The following CAMSAP2 variants were observed in gnomAD, a reference collection of about 807,000 sequenced individuals.
CAMSAP2 encodes calmodulin regulated spectrin associated protein family member 2.
A neutral mutation model predicts 146.1 loss-of-function variants in CAMSAP2; 26 were observed. The observed-to-expected ratio is 0.18, with a 90% confidence interval of 0.13 to 0.25. The LOEUF (loss-of-function observed/expected upper bound fraction) is 0.25, where lower values mean the gene tolerates loss of function less well. Ranked by LOEUF, CAMSAP2 falls within the 10% of genes least tolerant of loss-of-function variation. The probability of loss-of-function intolerance (pLI) is 1.00; values close to 1 mark genes in which losing one functional copy is unlikely to be tolerated. For synonymous variants in CAMSAP2, 499 were observed against 596.6 expected, an observed-to-expected ratio of 0.84 and a Z score of 2.38; for missense variants, 1,381 against 1,759.3, an observed-to-expected ratio of 0.78 and a Z score of 3.85.
At chr1:200,825,729 A>T (rs1254654917) in intron 4 of CAMSAP2, among the ~76,000 whole-genome samples, 3 of 151,174 alleles carry the variant, frequency 2.0e-5, no homozygotes, top group African/African-American at 7.3e-5. Flanking sequence ...GCTGGTCTCG[A>T]CCTCCTGACC....
At chr1:200,850,778 G>GAC (rs1286277057) in intron 11 of CAMSAP2, among the ~76,000 whole-genome samples, 6 of 152,152 alleles carry the variant, frequency 3.9e-5, no homozygotes, top group African/African-American at 1.4e-4. Context: ...ACAGCTTCTT[G>GAC]ACTGGGCTGT....
At chr1:200,766,154 T>C (rs960474385) in intron 2 of CAMSAP2, among the ~76,000 whole-genome samples, 8 of 151,760 alleles carry the variant, frequency 5.3e-5, no homozygotes, top group Non-Finnish European at 1.0e-4. Context: ...TTTTTTTTTT[T>C]TTTTCCTGAG....
chr1:200,837,615 C>T (rs1667217461), intron 6 of CAMSAP2, among the ~76,000 whole-genome samples: 1 of 152,108 alleles, frequency 6.6e-6, no homozygotes, highest in Admixed American at 6.5e-5. Context: ...TGAAGAATAT[C>T]ATTGGTAGTT....
intron 1 of CAMSAP2, among the ~76,000 whole-genome samples, chr1:200,743,011 C>T (rs764785829): frequency 4.6e-5 from 7 of 152,172 alleles, no homozygotes; most frequent in Non-Finnish European, 1.0e-4. Context: ...GATGCAGATA[C>T]AGGTTTGATT....
chr1:200,798,114 C>T (rs1207359215), intron 2 of CAMSAP2, among the ~76,000 whole-genome samples: 1 of 148,964 alleles, frequency 6.7e-6, no homozygotes, highest in African/African-American at 2.5e-5. Context: ...GTGATGCCTC[C>T]AGCTTTGTTC....
intron 1 of CAMSAP2, among the ~76,000 whole-genome samples, chr1:200,748,316 GTAA>G (rs1217616276): frequency 6.6e-6 from 1 of 152,130 alleles, no homozygotes; most frequent in African/African-American, 2.4e-5. Context: ...ATGTATTTCT[GTAA>G]GTCCACTCCC....
At chr1:200,793,615 T>C (rs1057096024) in intron 2 of CAMSAP2, among the ~76,000 whole-genome samples, 2 of 152,206 alleles carry the variant, frequency 1.3e-5, no homozygotes, top group African/African-American at 4.8e-5. Context: ...AAAACACTTG[T>C]ATCCTGTTGC....
At chr1:200,816,127 C>G (rs1223341534) in intron 4 of CAMSAP2, among the ~76,000 whole-genome samples, 1 of 152,032 alleles carries the variant, frequency 6.6e-6, no homozygotes, top group Non-Finnish European at 1.5e-5. Context: ...AGCCCCATCT[C>G]TGCTAAAAAT....
intron 1 of CAMSAP2, among the ~76,000 whole-genome samples, chr1:200,750,606 GAGAT>G (rs895609911): frequency 1.1e-4 from 16 of 149,924 alleles, no homozygotes; most frequent in Admixed American, 2.0e-4. Flanking sequence ...TAGAGAGAAA[GAGAT>G]AGATAGATAG....
At chr1:200,740,230 C>G (rs1177958094) in intron 1 of CAMSAP2, among the ~76,000 whole-genome samples, 2 of 151,282 alleles carry the variant, frequency 1.3e-5, no homozygotes, top group African/African-American at 4.9e-5. Flanking sequence ...CCCCAGTGAG[C>G]AATTTTATGT....
chr1:200,783,558 C>T (rs972842373), intron 2 of CAMSAP2, among the ~76,000 whole-genome samples: 1 of 152,170 alleles, frequency 6.6e-6, no homozygotes, highest in Non-Finnish European at 1.5e-5. Context: ...TCACGGCTCA[C>T]TGCAGCCTCG....
chr1:200,799,774 A>G (rs1394582529), intron 2 of CAMSAP2, among the ~76,000 whole-genome samples: 2 of 152,010 alleles, frequency 1.3e-5, no homozygotes, highest in African/African-American at 4.8e-5. Context: ...TAGGGTGTCG[A>G]TTTTGGATCT....
intron 2 of CAMSAP2, among the ~76,000 whole-genome samples, chr1:200,796,828 C>A (rs559114920): frequency 5.9e-4 from 90 of 152,050 alleles, no homozygotes; most frequent in African/African-American, 2.1e-3. Context: ...CCTCTCCCCC[C>A]ACCCCACAAC....
Position 200,849,482 on chromosome 1 carries a change from CAGG to C in CAMSAP2, c.2716_2718del (p.Glu906del). 6.2e-7 allele frequency: 1 copy of C among 1,614,204 alleles called. No individual in the cohort carries two copies. The highest frequency in any genetic ancestry group is 8.5e-7 in the Non-Finnish European group (1 of 1,180,036). On this transcript the variant is annotated inframe_deletion, in exon 11 of 17. Transcript: ENST00000358823. This position sits in a 1 kb window ranked among gnomAD's most constrained non-coding sequence, Gnocchi z 6.3. ...AGAAATGCAACGCTTGTCACTTCAG[CAGG>C]AGATGTTAATGCAGATGAGAGAGCA...
chr1:200,768,608 G>T (rs1359700467), intron 2 of CAMSAP2, among the ~76,000 whole-genome samples: 1 of 152,102 alleles, frequency 6.6e-6, no homozygotes, highest in Admixed American at 6.5e-5. Flanking sequence ...GAACTAAGGT[G>T]CAGGCCATGA....
chr1:200,742,715 T>G (rs554495804), intron 1 of CAMSAP2, among the ~76,000 whole-genome samples: 12 of 152,312 alleles, frequency 7.9e-5, no homozygotes, highest in African/African-American at 2.9e-4. Context: ...AGGCACTGAT[T>G]TGGTGTTTTC....
intron 2 of CAMSAP2, among the ~76,000 whole-genome samples, chr1:200,785,393 G>GT (rs373017749): frequency 0.29 from 39,725 of 137,098 alleles, 6,442 homozygotes; most frequent in Middle Eastern, 0.39. Flanking sequence ...TTTTTCTTTT[G>GT]TTTTTTTTTT....
Position 200,832,091 on chromosome 1 carries a change from T to A in CAMSAP2, c.646-109T>A, listed in dbSNP as rs112363875. ...AAAGAAATATTGGTGAGTGGTCTCA[T>A]TTCTCATGATTTATTTTATTACTGG... On this transcript the variant is annotated intron_variant, in intron 4 of 16. Transcript: ENST00000358823. This position sits in a 1 kb window ranked among gnomAD's most constrained non-coding sequence, Gnocchi z 4.2. 4.1e-3 allele frequency: 3,600 copies of A among 874,430 alleles called. 47 individuals carry two copies. Among genetic ancestry groups the A allele is most frequent in the African/African-American group, 0.031 (1,814 of 58,364 alleles). 54.2% of individuals were successfully genotyped at this position (874,430 alleles called of 1,614,324 possible).
intron 4 of CAMSAP2, among the ~76,000 whole-genome samples, chr1:200,826,460 G>A (rs1045220571): frequency 2.6e-5 from 4 of 151,396 alleles, no homozygotes; most frequent in African/African-American, 9.7e-5. Flanking sequence ...AATCTAACAA[G>A]TTAACAAGTC....
Sources: gnomAD v4.1 joint callset for allele counts (sites outside exome capture counted in the v4.1 genomes callset) on GRCh38, gnomAD v4.1.1 for gene constraint, Gnocchi (gnomAD v3.1) non-coding constraint, MANE v1.5 for transcripts, NCBI Gene and HGNC (gene_info 2026-07-23, HGNC 2026-07-21) for gene names.